DNAJC27: variants seen among roughly 807,000 people sequenced by gnomAD.
DNAJC27 encodes the protein dnaJ homolog subfamily C member 27.
DNAJC27 carries 25 observed loss-of-function variants against 31.4 expected under a neutral mutation model. The observed-to-expected ratio is 0.80, with a 90% CI of 0.58 to 1.11. The LOEUF (loss-of-function observed/expected upper bound fraction) is 1.11, where lower values mean the gene tolerates loss of function less well. DNAJC27 is among the 50% of genes most tolerant of loss of function. The pLI is 0.00. For synonymous variants in DNAJC27, 106 were observed against 112.7 expected (o/e 0.94, Z 0.37); for missense variants, 356 against 347.3 (o/e 1.02, Z -0.20).
chr2:24,971,367 A>G (rs942572636), intron 1 of DNAJC27: 24 of 153,774 alleles, frequency 1.6e-4, no homozygotes, highest in Non-Finnish European at 2.9e-5. Flanking sequence ...GGAATGCAGA[A>G]TCTGGGCTGC....
At chr2:24,950,866 A>T in intron 6 of DNAJC27, among the ~76,000 whole-genome samples, 1 of 152,174 alleles carries the variant, frequency 6.6e-6, no homozygotes, top group Middle Eastern at 3.4e-3. Flanking sequence ...AAATAAAAAA[A>T]AAAAATAAAC....
chr2:24,950,061 C>T (rs1049629032), intron 6 of DNAJC27, among the ~76,000 whole-genome samples: 1 of 147,618 alleles, frequency 6.8e-6, no homozygotes, highest in Non-Finnish European at 1.5e-5. Flanking sequence ...TCAAAACCCA[C>T]TAAAAATCTA....
intron 2 of DNAJC27, among the ~76,000 whole-genome samples, chr2:24,966,978 A>G: frequency 6.6e-6 from 1 of 152,258 alleles, no homozygotes; most frequent in East Asian, 1.9e-4. Context: ...GCTGTAGCCT[A>G]CACCTAACAC....
At chr2:24,954,828 C>G (rs1302960345) in intron 5 of DNAJC27, among the ~76,000 whole-genome samples, 1 of 152,094 alleles carries the variant, frequency 6.6e-6, no homozygotes. Context: ...TCCAGCTACT[C>G]AGGAGGCTGA....
In DNAJC27 at chr2:24,947,469, G is replaced by T; in HGVS notation, c.*147C>A. Reference sequence around the variant, plus strand: ...TTCTCAGTAAAATGTCTATGAAATGGGTACCTGAATTACTGATATACAAAT... The same window carrying T: ...TTCTCAGTAAAATGTCTATGAAATGTGTACCTGAATTACTGATATACAAAT... On this transcript the variant is annotated 3_prime_UTR_variant, in exon 7 of 7. Coordinates refer to ENST00000264711, the MANE Select transcript of DNAJC27 (RefSeq NM_016544.3). 1 of 937,578 alleles carries T rather than the reference G, an allele frequency of 1.1e-6. No homozygotes were observed. The allele number at this position is 937,578 out of a possible 1,614,324, so 58.1% of individuals were successfully genotyped here.
At chr2:24,968,564 C>T (rs1259192283) in intron 1 of DNAJC27, among the ~76,000 whole-genome samples, 1 of 151,494 alleles carries the variant, frequency 6.6e-6, no homozygotes, top group Admixed American at 6.6e-5. Context: ...CCAGGATGGT[C>T]TCGATCTGAC....
chr2:24,971,203 C>T (rs1333827065), intron 1 of DNAJC27, among the ~76,000 whole-genome samples: 1 of 152,162 alleles, frequency 6.6e-6, no homozygotes, highest in Non-Finnish European at 1.5e-5. Context: ...GCTGATGAAC[C>T]ACAGATGGGG....
chr2:24,959,233 T>C (rs900786021), intron 3 of DNAJC27, among the ~76,000 whole-genome samples: 1 of 152,130 alleles, frequency 6.6e-6, no homozygotes, highest in Non-Finnish European at 1.5e-5. Flanking sequence ...GGCTCTTAAA[T>C]TCTCTTTCAC....
At chr2:24,951,292 G>GTATT (rs913857837) in intron 6 of DNAJC27, 102 bp downstream of exon 6, 2 of 1,176,230 alleles carry the variant, frequency 1.7e-6, no homozygotes, top group African/African-American at 3.1e-5. Flanking sequence ...ATACATCTTC[G>GTATT]TATTTCCAGC....
intron 3 of DNAJC27, among the ~76,000 whole-genome samples, chr2:24,958,371 C>T (rs1473002548): frequency 2.0e-5 from 3 of 152,206 alleles, no homozygotes; most frequent in African/African-American, 2.4e-5. Flanking sequence ...GCAATGGGTA[C>T]AGCCATTTAT....
intron 5 of DNAJC27, among the ~76,000 whole-genome samples, chr2:24,954,239 C>G (rs1456383507): frequency 6.6e-6 from 1 of 152,148 alleles, no homozygotes; most frequent in Non-Finnish European, 1.5e-5. Context: ...CAGATAACAG[C>G]TGCTATGGGG....
intron 5 of DNAJC27, among the ~76,000 whole-genome samples, chr2:24,956,206 A>G (rs1430044548): frequency 6.6e-6 from 1 of 152,252 alleles, no homozygotes; most frequent in Non-Finnish European, 1.5e-5. Context: ...ACAACTCTTT[A>G]TAGTGTAACT....
At chr2:24,966,859 T>C (rs148844967) in intron 2 of DNAJC27, among the ~76,000 whole-genome samples, 1 of 152,338 alleles carries the variant, frequency 6.6e-6, no homozygotes, top group African/African-American at 2.4e-5. Context: ...TTAGAGAGAA[T>C]ATTTCAAAAT....
intron 5 of DNAJC27, among the ~76,000 whole-genome samples, chr2:24,955,129 T>G (rs954282598): frequency 6.6e-6 from 1 of 152,226 alleles, no homozygotes; most frequent in Non-Finnish European, 1.5e-5. Flanking sequence ...ATGTTGGACT[T>G]AGCAGATGAA....
At chr2:24,967,151 C>A in intron 2 of DNAJC27, 60 bp downstream of exon 2, 1 of 1,321,478 alleles carries the variant, frequency 7.6e-7, no homozygotes, top group South Asian at 1.2e-5. Flanking sequence ...AAATATGGAT[C>A]ATTTTGGAAA....
chr2:24,961,385 G>A (rs928788689), intron 3 of DNAJC27, among the ~76,000 whole-genome samples: 3 of 152,142 alleles, frequency 2.0e-5, no homozygotes, highest in African/African-American at 7.2e-5. Context: ...GATTAAAGCT[G>A]TTTTTATTAT....
chr2:24,957,392 C>A (rs1301261569), intron 4 of DNAJC27, among the ~76,000 whole-genome samples: 3 of 152,270 alleles, frequency 2.0e-5, no homozygotes, highest in Admixed American at 2.0e-4. Flanking sequence ...TGCAATGTCC[C>A]ACCTGATCCC....
intron 2 of DNAJC27, among the ~76,000 whole-genome samples, chr2:24,965,329 C>T (rs544758239): frequency 2.0e-5 from 3 of 151,870 alleles, no homozygotes; most frequent in Admixed American, 6.6e-5. Flanking sequence ...AATCTTGGCT[C>T]ACTGCAACCT....
rs945823569 is a variant in DNAJC27 at position 24,969,906 on chromosome 2, G to GA, written c.87+1911dup. ...TTAGTAGTCTTGTATTATGTTCTGG[G>GA]AAAAAAAAACCCTTATTGATGTTTT... On this transcript the variant is annotated intron_variant, in intron 1 of 6. Transcript: ENST00000264711. 8.2e-3 allele frequency among the ~76,000 whole-genome samples: 1,231 copies of GA among 150,258 alleles called. 13 individuals are homozygous for GA. The highest frequency in any genetic ancestry group is 0.029 in the African/African-American group (1,179 of 41,020).
Sources: allele counts gnomAD v4.1 joint callset (sites outside exome capture counted in the v4.1 genomes callset), GRCh38; gene constraint gnomAD v4.1.1; transcripts MANE v1.5; gene names NCBI Gene and HGNC (gene_info 2026-07-23, HGNC 2026-07-21).